The following ELAVL2 variants were observed in gnomAD, a reference collection of about 807,000 sequenced individuals.
The protein encoded by ELAVL2 is ELAV-like protein 2.
A neutral mutation model predicts 34.6 loss-of-function variants in ELAVL2; 4 were observed. The observed-to-expected ratio is 0.12, with a 90% CI of 0.06 to 0.26. The LOEUF (loss-of-function observed/expected upper bound fraction) is 0.26, where lower values mean the gene tolerates loss of function less well. Ranked by LOEUF, ELAVL2 falls within the 10% of genes least tolerant of loss-of-function variation. The pLI is 1.00. For synonymous variants in ELAVL2, 193 were observed against 154.8 expected, an observed-to-expected ratio of 1.25 and a Z score of -1.83; for missense variants, 432 against 442.8, an observed-to-expected ratio of 0.98 and a Z score of 0.22.
intron 1 of ELAVL2, among the ~76,000 whole-genome samples, chr9:23,764,112 A>C (rs772035094): frequency 2.2e-4 from 33 of 152,242 alleles, no homozygotes; most frequent in Non-Finnish European, 4.4e-4. Flanking sequence ...CACAGCAAAA[A>C]TTCTTCTGGG....
At chr9:23,805,419 C>T (rs533820034) in intron 1 of ELAVL2, among the ~76,000 whole-genome samples, 5 of 152,312 alleles carry the variant, frequency 3.3e-5, no homozygotes, top group Admixed American at 3.3e-4. Flanking sequence ...AACCCTGCTG[C>T]TGATAAACTG....
intron 1 of ELAVL2, among the ~76,000 whole-genome samples, chr9:23,821,049 G>A (rs899768731): frequency 3.3e-5 from 5 of 152,184 alleles, no homozygotes; most frequent in African/African-American, 9.6e-5. Flanking sequence ...GAGCTCCAAG[G>A]ACCGCGCGCG....
At chr9:23,794,753 C>T (rs2060712488) in intron 1 of ELAVL2, among the ~76,000 whole-genome samples, 1 of 152,084 alleles carries the variant, frequency 6.6e-6, no homozygotes, top group African/African-American at 2.4e-5. Context: ...ATCCAGTACA[C>T]CAACCACTTG....
intron 1 of ELAVL2, among the ~76,000 whole-genome samples, chr9:23,777,036 C>A (rs143632150): frequency 5.3e-5 from 8 of 152,226 alleles, no homozygotes; most frequent in African/African-American, 1.7e-4. Context: ...CAACTTCATC[C>A]TATGTAAAGT....
chr9:23,751,132 AGGAT>A (rs1256979741), intron 2 of ELAVL2, among the ~76,000 whole-genome samples: 1 of 152,132 alleles, frequency 6.6e-6, no homozygotes, highest in African/African-American at 2.4e-5. Context: ...GTTGAGCTAG[AGGAT>A]GGGAGTTGGG....
chr9:23,810,410 T>A (rs1436409323), intron 1 of ELAVL2, among the ~76,000 whole-genome samples: 1 of 151,946 alleles, frequency 6.6e-6, no homozygotes, highest in East Asian at 1.9e-4. Context: ...TTAAAAAAAA[T>A]TATAAAAATA....
intron 2 of ELAVL2, among the ~76,000 whole-genome samples, chr9:23,759,371 G>A (rs1473037358): frequency 2.0e-5 from 3 of 151,860 alleles, no homozygotes; most frequent in East Asian, 1.9e-4. Context: ...CATTGGAGGC[G>A]AGAGCAGAAT....
At chr9:23,784,562 G>A (rs531311180) in intron 1 of ELAVL2, among the ~76,000 whole-genome samples, 144 of 152,256 alleles carry the variant, frequency 9.5e-4, no homozygotes, top group African/African-American at 3.2e-3. Context: ...GTCATCCTAG[G>A]GATGCAATTA....
chr9:23,759,974 G>C (rs1176586636), intron 2 of ELAVL2, among the ~76,000 whole-genome samples: 2 of 151,252 alleles, frequency 1.3e-5, no homozygotes, highest in Non-Finnish European at 3.0e-5. Flanking sequence ...AGAGGTGAAG[G>C]AAATGGATGA....
chr9:23,734,120 G>T (rs982832471), intron 2 of ELAVL2, among the ~76,000 whole-genome samples: 5 of 152,154 alleles, frequency 3.3e-5, no homozygotes, highest in Non-Finnish European at 5.9e-5. Context: ...TTAAAAGACT[G>T]CATTCCTAAA....
intron 1 of ELAVL2, among the ~76,000 whole-genome samples, chr9:23,796,173 A>G (rs1363489250): frequency 6.6e-6 from 1 of 152,246 alleles, no homozygotes; most frequent in Non-Finnish European, 1.5e-5. Flanking sequence ...CACTAGAGTT[A>G]GAAGGGTGAT....
Position 23,704,942 on chromosome 9 carries a change from G to A in ELAVL2, c.463C>T (p.Arg155Cys), listed in dbSNP as rs1563970615. The change falls in exon 4 of 7, where the codon CGT (arginine) becomes TGT (cysteine). Residue 155 changes from arginine (R) to cysteine (C), a missense_variant. Transcript: ENST00000397312. ...FSQYGRIITS[R>C]ILVDQVTGIS... The stretch of plus-strand genomic sequence containing the variant: ...CCAGTGACCTGGTCGACAAGAATAC[G>A]AGAAGTAATAATGCGTCCATATTGT... 3.1e-6 allele frequency: 5 copies of A among 1,614,094 alleles called. No homozygotes were observed. The highest frequency in any genetic ancestry group is 1.6e-4 in the Middle Eastern group (1 of 6,062).
At chr9:23,741,543 C>CCT (rs1465296976) in intron 2 of ELAVL2, among the ~76,000 whole-genome samples, 3 of 152,136 alleles carry the variant, frequency 2.0e-5, no homozygotes, top group African/African-American at 7.2e-5. Context: ...AGACACTCCC[C>CCT]CTTAGGCAAT....
chr9:23,771,594 G>C (rs2057319652), intron 1 of ELAVL2, among the ~76,000 whole-genome samples: 1 of 151,942 alleles, frequency 6.6e-6, no homozygotes, highest in East Asian at 1.9e-4. Flanking sequence ...GATTCATTTA[G>C]GAGCAAATAT....
At chr9:23,783,802 A>C (rs1362136244) in intron 1 of ELAVL2, among the ~76,000 whole-genome samples, 1 of 152,212 alleles carries the variant, frequency 6.6e-6, no homozygotes, top group Non-Finnish European at 1.5e-5. Context: ...GAAAAAAAAA[A>C]ATCAGGCTCA....
chr9:23,715,508 A>G lies in ELAVL2; in HGVS notation c.334-10437T>C, dbSNP rs149692480. ...ATTAGAAGTTGTGGCATTTGCCCAA[A>G]TAACTTGGCTTTTGCTGCTTCACTG... On this transcript the variant is annotated intron_variant, in intron 3 of 6. Coordinates refer to ENST00000397312, the MANE Select transcript of ELAVL2 (RefSeq NM_004432.5). 5.3e-5 allele frequency among the ~76,000 whole-genome samples: 8 copies of G among 152,332 alleles called. No homozygotes were observed. The East Asian group carries it at 1.4e-3, about 26-fold the overall frequency.
intron 1 of ELAVL2, among the ~76,000 whole-genome samples, chr9:23,813,799 T>G (rs888839092): frequency 8.9e-4 from 136 of 152,138 alleles, no homozygotes; most frequent in Admixed American, 8.8e-3. Flanking sequence ...TAAGGAGCAG[T>G]TTAACATGAT....
At position 23,762,287 on chromosome 9, in the gene ELAVL2, T is replaced by G. The variant is rs1278549117; in HGVS notation, c.-15-38A>C. Reference sequence around the variant, plus strand: ...AAAACAAGAAATGTCAGAATTCATATTTCACAACCTATTAGAGACTCCATC... The same window carrying G: ...AAAACAAGAAATGTCAGAATTCATAGTTCACAACCTATTAGAGACTCCATC... On this transcript the variant is annotated intron_variant, in intron 1 of 6. Coordinates refer to ENST00000397312, the MANE Select transcript of ELAVL2 (RefSeq NM_004432.5). 3 of 1,606,142 alleles carry G rather than the reference T, an allele frequency of 1.9e-6. No individual in the cohort carries two copies. In the African/African-American group the frequency reaches 4.0e-5, roughly 22 times the overall value.
chr9:23,732,224 G>C (rs191930288), intron 2 of ELAVL2, among the ~76,000 whole-genome samples: 1 of 152,268 alleles, frequency 6.6e-6, no homozygotes, highest in East Asian at 1.9e-4. Flanking sequence ...GGGCACCGTA[G>C]GTGCAAGTGG....
Sources: allele counts gnomAD v4.1 joint callset (sites outside exome capture counted in the v4.1 genomes callset), GRCh38; gene constraint gnomAD v4.1.1; transcripts MANE v1.5; gene names NCBI Gene and HGNC (gene_info 2026-07-23, HGNC 2026-07-21).